The following PDE4D variants were observed in gnomAD, a reference collection of about 807,000 sequenced individuals.
PDE4D encodes the protein 3',5'-cyclic-AMP phosphodiesterase 4D.
A neutral mutation model predicts 87.4 loss-of-function variants in PDE4D; 24 were observed. That is an observed-to-expected ratio of 0.27 (90% CI 0.20 to 0.39). PDE4D has a LOEUF of 0.39. Ranked by LOEUF, PDE4D falls within the 10% of genes least tolerant of loss-of-function variation. PDE4D has a pLI of 1.00. For synonymous variants in PDE4D, 384 were observed against 383.2 expected (o/e 1.00, Z -0.02); for missense variants, 714 against 1,041.0 (o/e 0.69, Z 4.32).
intron 1 of PDE4D, among the ~76,000 whole-genome samples, chr5:59,558,309 G>C (rs761460948): frequency 7.9e-5 from 12 of 152,088 alleles, no homozygotes; most frequent in Non-Finnish European, 1.5e-4. Context: ...GGGGAGTCTG[G>C]GAGTGGGGTT....
intron 1 of PDE4D, among the ~76,000 whole-genome samples, chr5:60,321,046 A>G (rs1756211659): frequency 6.6e-6 from 1 of 152,186 alleles, no homozygotes; most frequent in Non-Finnish European, 1.5e-5. Flanking sequence ...AATTTGAAAA[A>G]CCCATTTTAA....
intron 1 of PDE4D, among the ~76,000 whole-genome samples, chr5:59,714,894 A>G (rs1754769723): frequency 6.6e-6 from 1 of 152,238 alleles, no homozygotes; most frequent in Non-Finnish European, 1.5e-5. Context: ...AGCAGGCACA[A>G]GCCCTATGGG....
chr5:59,533,354 C>T (rs1213857034), intron 1 of PDE4D, among the ~76,000 whole-genome samples: 3 of 152,140 alleles, frequency 2.0e-5, no homozygotes, highest in African/African-American at 7.2e-5. Context: ...GACTAAAAAT[C>T]TAAAGGTTTA....
At chr5:60,097,473 T>C (rs1037984325) in intron 2 of PDE4D, among the ~76,000 whole-genome samples, 1 of 152,044 alleles carries the variant, frequency 6.6e-6, no homozygotes, top group Non-Finnish European at 1.5e-5. Flanking sequence ...TCTGAACTTA[T>C]TCTTAATAAA....
At chr5:59,005,802 G>A (rs1451946658) in intron 6 of PDE4D, among the ~76,000 whole-genome samples, 1 of 152,204 alleles carries the variant, frequency 6.6e-6, no homozygotes, top group Non-Finnish European at 1.5e-5. Context: ...TGACAGGATT[G>A]AAATGCAAAC....
At chr5:59,503,194 C>T (rs1808633384) in intron 1 of PDE4D, among the ~76,000 whole-genome samples, 1 of 152,104 alleles carries the variant, frequency 6.6e-6, no homozygotes, top group African/African-American at 2.4e-5. Context: ...GGTAATTTTA[C>T]AGAGTATGGC....
In PDE4D at chr5:60,304,512, G is replaced by T. The variant is rs564025919; in HGVS notation, c.-89-118825C>A. On this transcript the variant is annotated intron_variant, in intron 1 of 16. Coordinates refer to the PDE4D transcript ENST00000502484. ...TACAAAAAATTAGCCGGGCGCGGTG[G>T]CGGGCGCCTGTAGTCCCAGCTACTC... Among the ~76,000 whole-genome samples the T allele has an allele frequency of 3.3e-5, 5 of 151,508 alleles. No homozygotes were observed. The South Asian group carries it at 6.2e-4, about 19-fold the overall frequency.
At chr5:59,712,280 T>C (rs953803903) in intron 1 of PDE4D, among the ~76,000 whole-genome samples, 1 of 151,220 alleles carries the variant, frequency 6.6e-6, no homozygotes, top group African/African-American at 2.4e-5. Flanking sequence ...TTTCTAACCT[T>C]ATGGTCTAAA....
intron 1 of PDE4D, among the ~76,000 whole-genome samples, chr5:60,515,631 A>C (rs1178907901): frequency 7.6e-6 from 1 of 131,052 alleles, no homozygotes; most frequent in African/African-American, 3.3e-5. Context: ...TGTCAGGATG[A>C]GAAGAGGCAG....
chr5:60,195,727 T>G (rs1206422318), intron 1 of PDE4D, among the ~76,000 whole-genome samples: 3 of 151,686 alleles, frequency 2.0e-5, no homozygotes, highest in African/African-American at 7.2e-5. Context: ...CACTAAGTGC[T>G]CTGACAGAAT....
Position 60,005,178 on chromosome 5 carries a change from ATGCT to A in PDE4D, c.43-16465_43-16462del, listed in dbSNP as rs1764357455. ...AACATGGATAAACCTGGAGGACATT[ATGCT>A]AACTGAAATAAACCAGACACAGACA... is the stretch of plus-strand genomic sequence containing the variant. On this transcript the variant is annotated intron_variant, in intron 2 of 16. Coordinates refer to the PDE4D transcript ENST00000502484. 2.0e-5 allele frequency among the ~76,000 whole-genome samples: 3 copies of A among 152,256 alleles called. No individual in the cohort carries two copies. In the South Asian group the frequency reaches 6.2e-4, roughly 32 times the overall value.
chr5:60,242,706 A>C (rs1041875625), intron 1 of PDE4D, among the ~76,000 whole-genome samples: 3 of 152,116 alleles, frequency 2.0e-5, no homozygotes, highest in Admixed American at 1.3e-4. Context: ...GACACATAGA[A>C]ATTAAACAAT....
chr5:59,205,653 AACACACACACACAC>A (rs35509503), intron 2 of PDE4D, among the ~76,000 whole-genome samples: 63 of 136,408 alleles, frequency 4.6e-4, no homozygotes, highest in African/African-American at 1.2e-3. Flanking sequence ...CCACTAGCTA[AACACACACACACAC>A]ACACACACAC....
chr5:59,357,766 A>G (rs144330587), intron 1 of PDE4D, among the ~76,000 whole-genome samples: 194 of 152,346 alleles, frequency 1.3e-3, no homozygotes, highest in African/African-American at 4.4e-3. Flanking sequence ...ATTTCAAGAA[A>G]TTGTACCCAA....
At chr5:59,684,997 T>C (rs1437442151) in intron 1 of PDE4D, among the ~76,000 whole-genome samples, 1 of 152,218 alleles carries the variant, frequency 6.6e-6, no homozygotes, top group Non-Finnish European at 1.5e-5. Context: ...CTAAAATTCT[T>C]GCATTTCTAA....
At chr5:59,254,713 G>A (rs6450514) in intron 1 of PDE4D, among the ~76,000 whole-genome samples, 72,806 of 151,856 alleles carry the variant, frequency 0.48, 18,366 homozygotes, top group East Asian at 0.62. Context: ...ATTTCCCCAA[G>A]TTTAAAATGG....
rs1296132751 is a variant in PDE4D at position 59,039,121 on chromosome 5, G to C, written c.809-150C>G. On this transcript the variant is annotated intron_variant, in intron 5 of 14. Coordinates refer to ENST00000340635, the MANE Select transcript of PDE4D (RefSeq NM_001104631.2). ...CTGCTCCTTCATATTGCCCAGCCCG[G>C]CAGTGCAACGGGGGCGGAGGCTGTG... The C allele has an allele frequency of 2.9e-6, 4 of 1,382,570 alleles. No homozygotes were observed. The African/African-American group carries it at 6.0e-5, about 21-fold the overall frequency. 85.6% of individuals were successfully genotyped at this position (1,382,570 alleles called of 1,614,324 possible).
chr5:59,587,616 CATTAACTCTG>C, intron 1 of PDE4D: 1 of 985,366 alleles, frequency 1.0e-6, no homozygotes, highest in Non-Finnish European at 1.2e-6. Flanking sequence ...TGGTACTGTA[CATTAACTCTG>C]CAGCAGCCTG....
chr5:59,618,571 T>A (rs1379143259), intron 1 of PDE4D, among the ~76,000 whole-genome samples: 1 of 152,148 alleles, frequency 6.6e-6, no homozygotes, highest in Non-Finnish European at 1.5e-5. Flanking sequence ...TATATTATCA[T>A]ATTTATCCTC....
Sources: gnomAD v4.1 joint callset for allele counts (sites outside exome capture counted in the v4.1 genomes callset) on GRCh38, gnomAD v4.1.1 for gene constraint, MANE v1.5 for transcripts, NCBI Gene and HGNC (gene_info 2026-07-23, HGNC 2026-07-21) for gene names.